Variants in PPP4R3C observed in about 807,000 individuals in gnomAD.
The protein encoded by PPP4R3C is protein phosphatase 4 regulatory subunit 3C, also known as protein PPP4R3C.
For missense variants in PPP4R3C, 372 were observed against 237.3 expected (o/e 1.57, Z -3.73); for synonymous variants, 150 against 86.5 (o/e 1.73, Z -4.07).
chrX:27,462,663 T>C lies in PPP4R3C; in HGVS notation c.634A>G (p.Ile212Val), dbSNP rs1314728449. The C allele has an allele frequency of 1.8e-6, 1 of 556,164 alleles. No individual in the cohort carries two copies. Among genetic ancestry groups the C allele is most frequent in the African/African-American group, 2.2e-5 (1 of 44,756 alleles). The allele number at this position is 556,164 out of a possible 1,213,427, so 45.8% of individuals were successfully genotyped here. The change falls in exon 1 of 1, where the codon ATA (isoleucine) becomes GTA (valine). Residue 212 changes from isoleucine (I) to valine (V), a missense_variant. Coordinates refer to ENST00000412172, the MANE Select transcript of PPP4R3C (RefSeq NM_207319.4). ...LFLNEACLFE[I>V]MFSDECIMDV... Reference sequence around the variant, plus strand: ...ATGATACACTCGTCAGAAAACATTATCTCAAACAGACATGCCTCGTTGAGG... The same window carrying C: ...ATGATACACTCGTCAGAAAACATTACCTCAAACAGACATGCCTCGTTGAGG...
chrX:27,461,910 G>A lies in PPP4R3C; in HGVS notation c.1387C>T (p.Leu463=). 1.9e-6 allele frequency: 1 copy of A among 515,105 alleles called. No homozygotes were observed. The highest frequency in any genetic ancestry group is 3.6e-5 in the East Asian group (1 of 27,745). 42.5% of individuals were successfully genotyped at this position (515,105 alleles called of 1,213,427 possible). ...TPEKSERSEF[L]HFFYKHCMHK... Reference sequence around the variant, plus strand: ...ATGCAATGTTTGTAGAAGAAATGTAGAAATTCACTTCTTTCACTTTTCTCA... The same window carrying A: ...ATGCAATGTTTGTAGAAGAAATGTAAAAATTCACTTCTTTCACTTTTCTCA... The change falls in exon 1 of 1, where the codon CTA becomes TTA. Residue 463 remains leucine, a synonymous_variant. Transcript: ENST00000412172.
chrX:27,463,147 G>A lies in PPP4R3C; in HGVS notation c.150C>T (p.Val50=), dbSNP rs1923007879. Residue 50 remains valine, a synonymous_variant, in exon 1 of 1, where the codon GTC becomes GTT. Transcript: ENST00000412172. The part of the protein sequence containing the change: ...LLVRSDSDGS[V]ILRSQIPPDR... ...CTGGAGGTATCTGTGACCGCAGGAT[G>A]ACCGACCCATCTGAATCTGACCGAA... The A allele has an allele frequency of 3.9e-6, 2 of 514,778 alleles. No individual in the cohort carries two copies. Among genetic ancestry groups the A allele is most frequent in the Non-Finnish European group, 7.0e-6 (2 of 286,962 alleles). 42.4% of individuals were successfully genotyped at this position (514,778 alleles called of 1,213,427 possible).
At position 27,461,135 on chromosome X, in the gene PPP4R3C, T is replaced by C; in HGVS notation, c.2162A>G (p.Asp721Gly). The change falls in exon 1 of 1, where the codon GAT (aspartate) becomes GGT (glycine). Residue 721 changes from aspartate (D) to glycine (G), a missense_variant. Transcript: ENST00000412172. ...EGEAVMPPLE[D>G]DDKFTETKRT... ...TTTGGTCTCCGTAAATTTATCGTCA[T>C]CTTCCAGTGGTGGCATAACTGCTTC... 5.8e-6 allele frequency: 3 copies of C among 514,542 alleles called. No homozygotes were observed. The highest frequency in any genetic ancestry group is 1.0e-5 in the Non-Finnish European group (3 of 286,902). The allele number at this position is 514,542 out of a possible 1,213,427, so 42.4% of individuals were successfully genotyped here. A position where few individuals can be genotyped will look rare whatever the true frequency, so the allele number is the denominator to read the frequency against.
rs10521939 is a variant in PPP4R3C at position 27,462,870 on chromosome X, G to C, written c.427C>G (p.Gln143Glu). The C allele has an allele frequency of 0.012, 5,991 of 513,244 alleles. 240 individuals carry two copies. The highest frequency in any genetic ancestry group is 0.12 in the African/African-American group (5,027 of 43,110). 42.3% of individuals were successfully genotyped at this position (513,244 alleles called of 1,213,427 possible). The change falls in exon 1 of 1, where the codon CAA (glutamine) becomes GAA (glutamate). Residue 143 changes from glutamine (Q) to glutamate (E), a missense_variant. Physicochemically the swap from Gln to Glu is conservative, Grantham distance 29. Transcript: ENST00000412172. ...LPDCELNTLD[Q>E]IADIVTSVFS... Reference sequence around the variant, plus strand: ...ACTGAGGTAACTATGTCAGCAATTTGATCAAGTGTATTGAGTTCACAGTCA... The same window carrying C: ...ACTGAGGTAACTATGTCAGCAATTTCATCAAGTGTATTGAGTTCACAGTCA...
rs1050031387 is a variant in PPP4R3C at position 27,462,244 on chromosome X, G to C, written c.1053C>G (p.Ser351Arg). 1.6e-5 allele frequency: 8 copies of C among 512,558 alleles called. No homozygotes were observed. Among genetic ancestry groups the C allele is most frequent in the Middle Eastern group, 6.2e-4 (2 of 3,201 alleles). 42.2% of individuals were successfully genotyped at this position (512,558 alleles called of 1,213,427 possible). The part of the protein sequence containing the change: ...CSFSQALQPQ[S>R]KDALFETLIQ... Reference sequence around the variant, plus strand: ...TCAACGTTTCAAATAGTGCATCCTTGCTTTGAGGCTGTAATGCCTGAGAAA... The same window carrying C: ...TCAACGTTTCAAATAGTGCATCCTTCCTTTGAGGCTGTAATGCCTGAGAAA... Residue 351 changes from serine (S) to arginine (R), a missense_variant, in exon 1 of 1, where the codon AGC (serine) becomes AGG (arginine). Physicochemically the swap from Ser to Arg is moderately radical, Grantham distance 110 (BLOSUM62 -1). Transcript: ENST00000412172.
rs751741879 is a variant in PPP4R3C, at chrX:27,463,035, C to T, written c.262G>A (p.Ala88Thr). 1 of 512,935 alleles carries T rather than the reference C, an allele frequency of 1.9e-6. No individual in the cohort carries two copies. Among genetic ancestry groups the T allele is most frequent in the Non-Finnish European group, 3.5e-6 (1 of 286,697 alleles). 42.3% of individuals were successfully genotyped at this position (512,935 alleles called of 1,213,427 possible). A position where few individuals can be genotyped will look rare whatever the true frequency, so the allele number is the denominator to read the frequency against. The change falls in exon 1 of 1, where the codon GCC becomes ACC. Residue 88 changes from alanine to threonine, a missense_variant. Physicochemically the swap from Ala to Thr is moderately conservative, Grantham distance 58 (BLOSUM62 0). Transcript: ENST00000412172. ...QGLVLKFQDP[A>T]GCQDIWKEIC... ...TCTTTCCAAATATCCTGGCAGCCGG[C>T]TGGGTCCTGGAATTTTAGCACCAAA...
Position 27,462,295 on chromosome X carries a change from T to C in PPP4R3C, c.1002A>G (p.Leu334=), listed in dbSNP as rs193221780. 26 of 513,155 alleles carry C rather than the reference T, an allele frequency of 5.1e-5. No individual in the cohort carries two copies. Among genetic ancestry groups the C allele is most frequent in the African/African-American group, 2.5e-4 (11 of 43,357 alleles). The allele number at this position is 513,155 out of a possible 1,213,427, so 42.3% of individuals were successfully genotyped here. Residue 334 remains leucine, a synonymous_variant, in exon 1 of 1, where the codon CTA becomes CTG. Coordinates refer to ENST00000412172, the MANE Select transcript of PPP4R3C (RefSeq NM_207319.4). ...ATGAACATAACTCCTTGAAAAAAAA[T>C]AGCAATTCACACCGTCTATCATCAT... ...TTHDDRRCEL[L]FFFKELCSFS...
chrX:27,463,330 C>T lies in PPP4R3C; in HGVS notation c.-34G>A, dbSNP rs180952925. The T allele has an allele frequency of 2.1e-5, 10 of 479,560 alleles. No individual in the cohort carries two copies. In the Admixed American group the frequency reaches 2.9e-4, roughly 14 times the overall value. 39.5% of individuals were successfully genotyped at this position (479,560 alleles called of 1,213,427 possible). ...CTGGCCTCGCCCCGTCAGGTCTGTT[C>T]TCCACGGCACTGCTTCCGGTACAGC... On this transcript the variant is annotated 5_prime_UTR_variant, in exon 1 of 1. Coordinates refer to ENST00000412172, the MANE Select transcript of PPP4R3C (RefSeq NM_207319.4).
rs180952925 is a variant in PPP4R3C, at chrX:27,463,330, C to A, written c.-34G>T. ...CTGGCCTCGCCCCGTCAGGTCTGTT[C>A]TCCACGGCACTGCTTCCGGTACAGC... On this transcript the variant is annotated 5_prime_UTR_variant, in exon 1 of 1. Transcript: ENST00000412172. 6.2e-6 allele frequency: 3 copies of A among 481,266 alleles called. No individual in the cohort carries two copies. The South Asian group carries it at 8.6e-5, about 14-fold the overall frequency. 39.7% of individuals were successfully genotyped at this position (481,266 alleles called of 1,213,427 possible). A position where few individuals can be genotyped will look rare whatever the true frequency, so the allele number is the denominator to read the frequency against.
rs1922938826 is a variant in PPP4R3C at position 27,460,655 on chromosome X, A to T, written c.*143T>A. On this transcript the variant is annotated 3_prime_UTR_variant, in exon 1 of 1. Coordinates refer to ENST00000412172, the MANE Select transcript of PPP4R3C (RefSeq NM_207319.4). Reference sequence around the variant, plus strand: ...AGATTATGAGAAATTTTGTTTTTACAGAATTAAACCCTCTTAACTCGTTAT... The same window carrying T: ...AGATTATGAGAAATTTTGTTTTTACTGAATTAAACCCTCTTAACTCGTTAT... 1 of 312,826 alleles carries T rather than the reference A, an allele frequency of 3.2e-6. No individual in the cohort carries two copies. Among genetic ancestry groups the T allele is most frequent in the African/African-American group, 2.8e-5 (1 of 36,308 alleles). The allele number at this position is 312,826 out of a possible 1,213,427, so 25.8% of individuals were successfully genotyped here.
rs1351274893 is a variant in PPP4R3C, at chrX:27,460,690, T to C, written c.*108A>G. ...CCTCTTAACTCGTTATATCTGTGAT[T>C]TATCATTATAAGTTCACATGAAAAA... On this transcript the variant is annotated 3_prime_UTR_variant, in exon 1 of 1. Transcript: ENST00000412172. The C allele has an allele frequency of 4.9e-6, 2 of 405,399 alleles. No homozygotes were observed. Among genetic ancestry groups the C allele is most frequent in the Non-Finnish European group, 8.4e-6 (2 of 237,572 alleles). 33.4% of individuals were successfully genotyped at this position (405,399 alleles called of 1,213,427 possible).
chrX:27,462,721 G>C lies in PPP4R3C; in HGVS notation c.576C>G (p.His192Gln). 1 of 525,339 alleles carries C rather than the reference G, an allele frequency of 1.9e-6. No homozygotes were observed. The highest frequency in any genetic ancestry group is 3.4e-6 in the Non-Finnish European group (1 of 291,537). The allele number at this position is 525,339 out of a possible 1,213,427, so 43.3% of individuals were successfully genotyped here. The stretch of plus-strand genomic sequence containing the variant: ...TTCCCTTAATAATTTCATACAAATG[G>C]TGTAAACCTTCAGTATTCTCTAGAT... ...CENLENTEGL[H>Q]HLYEIIKGIL... is the part of the protein sequence containing the mutation. The change falls in exon 1 of 1, where the codon CAC becomes CAG. Residue 192 changes from histidine to glutamine, a missense_variant. His to Gln is a conservative substitution (Grantham distance 24). Transcript: ENST00000412172.
Position 27,462,483 on chromosome X carries a change from T to G in PPP4R3C, c.814A>C (p.Ile272Leu), listed in dbSNP as rs1922990406. ...GGCACAGGCAAAAGAATGTCATAAA[T>G]GTACTGTAATCTGTATGTCTGATGT... ...KIHQTYRLQY[I>L]YDILLPVPSI... Residue 272 changes from isoleucine (I) to leucine (L), a missense_variant, in exon 1 of 1, where the codon ATT (isoleucine) becomes CTT (leucine). Coordinates refer to ENST00000412172, the MANE Select transcript of PPP4R3C (RefSeq NM_207319.4). The G allele has an allele frequency of 3.9e-6, 2 of 515,951 alleles. No individual in the cohort carries two copies. The highest frequency in any genetic ancestry group is 7.0e-6 in the Non-Finnish European group (2 of 287,647). The allele number at this position is 515,951 out of a possible 1,213,427, so 42.5% of individuals were successfully genotyped here.
At position 27,461,339 on chromosome X, in the gene PPP4R3C, T is replaced by C. The variant is rs778232146; in HGVS notation, c.1958A>G (p.Gln653Arg). Residue 653 changes from glutamine to arginine, a missense_variant, in exon 1 of 1, where the codon CAA (glutamine) becomes CGA (arginine). Physicochemically the swap from Gln to Arg is conservative, Grantham distance 43 (BLOSUM62 1). Transcript: ENST00000412172. ...ATGTAAATTCTTTTGTATTTGACTT[T>C]GTCTGTCTCTCTCTTTTTCATATTT... ...KIKYEKERDR[Q>R]SQIQKNLHSV... The C allele has an allele frequency of 6.8e-5, 35 of 515,591 alleles. No individual in the cohort carries two copies. The East Asian group carries it at 1.2e-3, about 18-fold the overall frequency. 42.5% of individuals were successfully genotyped at this position (515,591 alleles called of 1,213,427 possible).
At position 27,462,386 on chromosome X, in the gene PPP4R3C, C is replaced by G; in HGVS notation, c.911G>C (p.Ser304Thr). 1.9e-6 allele frequency: 1 copy of G among 515,279 alleles called. No homozygotes were observed. The highest frequency in any genetic ancestry group is 2.3e-5 in the African/African-American group (1 of 43,964). 42.5% of individuals were successfully genotyped at this position (515,279 alleles called of 1,213,427 possible). A position where few individuals can be genotyped will look rare whatever the true frequency, so the allele number is the denominator to read the frequency against. The change falls in exon 1 of 1, where the codon AGC becomes ACC. Residue 304 changes from serine (S) to threonine (T), a missense_variant. Transcript: ENST00000412172. The stretch of plus-strand genomic sequence containing the variant: ...AAATTTGTGATCTTTCTGCAGCATG[C>G]TTACTATCTCAGCCTTGTTGGAGAA... ...FIFSNKAEIV[S>T]MLQKDHKFLY...
chrX:27,461,645 G>C lies in PPP4R3C; in HGVS notation c.1652C>G (p.Thr551Ser). The C allele has an allele frequency of 1.9e-6, 1 of 515,703 alleles. No homozygotes were observed. The highest frequency in any genetic ancestry group is 3.5e-6 in the Non-Finnish European group (1 of 287,071). 42.5% of individuals were successfully genotyped at this position (515,703 alleles called of 1,213,427 possible). The change falls in exon 1 of 1, where the codon ACT (threonine) becomes AGT (serine). Residue 551 changes from threonine (T) to serine (S), a missense_variant. Physicochemically the swap from Thr to Ser is moderately conservative, Grantham distance 58. Coordinates refer to ENST00000412172, the MANE Select transcript of PPP4R3C (RefSeq NM_207319.4). ...KALILMNSKH[T>S]HLILCVLRFM... is the part of the protein sequence containing the mutation. ...GCGAAGAACACACAAAATCAGGTGA[G>C]TATGCTTTGAATTCATCAATATCAA...
At position 27,462,827 on chromosome X, in the gene PPP4R3C, G is replaced by A. The variant is rs753210777; in HGVS notation, c.470C>T (p.Thr157Met). ...GATCTCAGCCAGTCTTTCCCTATCC[G>A]TAACAGGTGACGAGAAAACTGAGGT... ...IVTSVFSSPV[T>M]DRERLAEILK... The change falls in exon 1 of 1, where the codon ACG (threonine) becomes ATG (methionine). Residue 157 changes from threonine to methionine, a missense_variant. By Grantham distance (81) the Thr-to-Met change is moderately conservative. Transcript: ENST00000412172. 7 of 513,765 alleles carry A rather than the reference G, an allele frequency of 1.4e-5. No individual in the cohort carries two copies. The highest frequency in any genetic ancestry group is 1.1e-4 in the Admixed American group (4 of 37,704). 42.3% of individuals were successfully genotyped at this position (513,765 alleles called of 1,213,427 possible).
rs1923010229 is a variant in PPP4R3C at position 27,463,212 on chromosome X, A to G, written c.85T>C (p.Ser29Pro). ...WNNLGTGQVS[S>P]TYDEQFQGMS... ...CCCTGGAACTGCTCGTCATAGGTGG[A>G]TGAGACCTGACCGGTGCCTAGATTG... Residue 29 changes from serine (S) to proline (P), a missense_variant, in exon 1 of 1, where the codon TCC becomes CCC. Ser to Pro is a moderately conservative substitution (Grantham distance 74). Coordinates refer to ENST00000412172, the MANE Select transcript of PPP4R3C (RefSeq NM_207319.4). 3.9e-6 allele frequency: 2 copies of G among 512,861 alleles called. No homozygotes were observed. The highest frequency in any genetic ancestry group is 2.3e-5 in the African/African-American group (1 of 43,084). The allele number at this position is 512,861 out of a possible 1,213,427, so 42.3% of individuals were successfully genotyped here.
At position 27,461,196 on chromosome X, in the gene PPP4R3C, C is replaced by T; in HGVS notation, c.2101G>A (p.Asp701Asn). The T allele has an allele frequency of 9.7e-6, 5 of 513,232 alleles. No homozygotes were observed. The highest frequency in any genetic ancestry group is 1.7e-5 in the Non-Finnish European group (5 of 286,060). The allele number at this position is 513,232 out of a possible 1,213,427, so 42.3% of individuals were successfully genotyped here. The stretch of plus-strand genomic sequence containing the variant: ...GTTCTTTTGGTCTCCATAAATTCAT[C>T]GTCATCTTCCAGTGGTGGCATAACT... ...EVVMPPLEDD[D>N]EFMETKRTQE... Residue 701 changes from aspartate (D) to asparagine (N), a missense_variant, in exon 1 of 1, where the codon GAT becomes AAT. By Grantham distance (23) the Asp-to-Asn change is conservative. Coordinates refer to ENST00000412172, the MANE Select transcript of PPP4R3C (RefSeq NM_207319.4).
Sources: allele counts gnomAD v4.1 joint callset, GRCh38; gene constraint gnomAD v4.1.1; transcripts MANE v1.5; gene names NCBI Gene and HGNC (gene_info 2026-07-23, HGNC 2026-07-21).